TMEM17: variants seen among roughly 807,000 people sequenced by gnomAD.
TMEM17 encodes transmembrane protein 17.
A neutral mutation model predicts 19.1 loss-of-function variants in TMEM17; 15 were observed. That is an observed-to-expected ratio of 0.78 (90% CI 0.52 to 1.21). The LOEUF is 1.21. Ranked by LOEUF, TMEM17 falls within the 50% of genes most tolerant of loss-of-function variation. The pLI, the probability that TMEM17 is intolerant of heterozygous loss-of-function variation, is 0.00. For synonymous variants in TMEM17, 103 were observed against 86.9 expected, an observed-to-expected ratio of 1.19 and a Z score of -1.03; for missense variants, 245 against 242.3, an observed-to-expected ratio of 1.01 and a Z score of -0.07.
downstream of TMEM17, among the ~76,000 whole-genome samples, chr2:62,496,742 ATCATTAGG>A (rs1679787695): frequency 6.6e-6 from 1 of 152,242 alleles, no homozygotes; most frequent in East Asian, 1.9e-4. Context: ...CAAGTAAAGA[ATCATTAGG>A]TAGGTTATGT....
the TMEM17 span, among the ~76,000 whole-genome samples, chr2:62,462,859 C>T: frequency 2.6e-5 from 4 of 152,212 alleles, no homozygotes; most frequent in Non-Finnish European, 5.9e-5. Context: ...CATTCCCACT[C>T]GTTATCCAGC....
At chr2:62,505,858 C>G (rs1680055170) in intron 1 of TMEM17, among the ~76,000 whole-genome samples, 172 bp downstream of exon 1, 2 of 152,352 alleles carry the variant, frequency 1.3e-5, no homozygotes, top group East Asian at 3.9e-4. Context: ...AGGCCGCCAG[C>G]GCCTCAGCTC....
At chr2:62,487,774 A>T in the TMEM17 span, among the ~76,000 whole-genome samples, 2 of 152,218 alleles carry the variant, frequency 1.3e-5, no homozygotes, top group Non-Finnish European at 2.9e-5. Flanking sequence ...GGCTCACTGC[A>T]ACCTCCACCT....
chr2:62,468,096 A>G, the TMEM17 span, among the ~76,000 whole-genome samples: 1 of 152,030 alleles, frequency 6.6e-6, no homozygotes, highest in Non-Finnish European at 1.5e-5. Context: ...GCAAATGTGC[A>G]GGGGGCTGGA....
Position 62,502,418 on chromosome 2 carries a change from A to G in TMEM17, c.318+19T>C. The stretch of plus-strand genomic sequence containing the variant: ...TTTCATTTATATCTATCACTGAGAG[A>G]AAGGAAAAAAGAGCTTACCTTCTCC... On this transcript the variant is annotated intron_variant, in intron 3 of 3. Coordinates refer to ENST00000335390, the MANE Select transcript of TMEM17 (RefSeq NM_198276.3). The G allele has an allele frequency of 6.7e-7, 1 of 1,503,174 alleles. No homozygotes were observed. Among genetic ancestry groups the G allele is most frequent in the Non-Finnish European group, 9.2e-7 (1 of 1,083,662 alleles). 93.1% of individuals were successfully genotyped at this position (1,503,174 alleles called of 1,614,324 possible).
the TMEM17 span, among the ~76,000 whole-genome samples, chr2:62,475,622 G>A: frequency 4.6e-5 from 7 of 152,218 alleles, no homozygotes; most frequent in Non-Finnish European, 7.3e-5. Context: ...CAGAGCTCAC[G>A]TTTCCTTTCT....
At chr2:62,459,288 CTTG>C in the TMEM17 span, among the ~76,000 whole-genome samples, 1 of 152,246 alleles carries the variant, frequency 6.6e-6, no homozygotes, top group African/African-American at 2.4e-5. Flanking sequence ...AGAGGCAGGC[CTTG>C]TTGTGACCCT....
the TMEM17 span, among the ~76,000 whole-genome samples, chr2:62,460,175 T>A: frequency 6.6e-6 from 1 of 152,204 alleles, no homozygotes; most frequent in Non-Finnish European, 1.5e-5. Context: ...AGGAAAAGCA[T>A]CTACCAGCGC....
At chr2:62,457,120 G>T in the TMEM17 span, among the ~76,000 whole-genome samples, 790 of 152,342 alleles carry the variant, frequency 5.2e-3, 9 homozygotes, top group African/African-American at 0.018. The surrounding 1 kb of genome is among the most constrained non-coding windows in gnomAD (Gnocchi z 4.2). Flanking sequence ...GGCCAGCAGG[G>T]GCCAGCATCC....
the TMEM17 span, among the ~76,000 whole-genome samples, chr2:62,482,173 C>G: frequency 2.6e-5 from 4 of 152,194 alleles, no homozygotes; most frequent in South Asian, 2.1e-4. Flanking sequence ...ACGAGTTTCT[C>G]TATTGGCACA....
chr2:62,469,877 T>C, the TMEM17 span, among the ~76,000 whole-genome samples: 1 of 152,258 alleles, frequency 6.6e-6, no homozygotes, highest in African/African-American at 2.4e-5. Context: ...TCCTGCTGGC[T>C]GGCTGCAAGT....
downstream of TMEM17, among the ~76,000 whole-genome samples, chr2:62,498,734 A>T (rs962502659): frequency 2.6e-5 from 4 of 151,420 alleles, no homozygotes; most frequent in African/African-American, 9.7e-5. Context: ...AATAAAATAA[A>T]ATAAAATAAA....
the TMEM17 span, among the ~76,000 whole-genome samples, chr2:62,467,765 T>A: frequency 6.6e-6 from 1 of 151,918 alleles, no homozygotes; most frequent in Non-Finnish European, 1.5e-5. Context: ...TCCTCTAAGC[T>A]CCAGAGACAT....
the TMEM17 span, among the ~76,000 whole-genome samples, chr2:62,466,879 G>A: frequency 5.9e-5 from 9 of 152,132 alleles, no homozygotes; most frequent in African/African-American, 1.4e-4. Flanking sequence ...AGAGTGTTTC[G>A]TCCAACATTC....
chr2:62,467,205 C>A, the TMEM17 span, among the ~76,000 whole-genome samples: 1 of 151,288 alleles, frequency 6.6e-6, no homozygotes, highest in Non-Finnish European at 1.5e-5. Context: ...CCCCCGCCCA[C>A]GCCTCCCCAC....
chr2:62,481,747 C>T, the TMEM17 span, among the ~76,000 whole-genome samples: 1 of 126,402 alleles, frequency 7.9e-6, no homozygotes, highest in South Asian at 2.6e-4. Context: ...AAGGGGGGAG[C>T]ATTTAACCTT....
chr2:62,498,444 C>T (rs960393318), downstream of TMEM17, among the ~76,000 whole-genome samples: 262 of 142,884 alleles, frequency 1.8e-3, no homozygotes, highest in Non-Finnish European at 2.1e-3. Context: ...TGGCCGGGCG[C>T]GGTGGCTCAC....
chr2:62,502,943 A>G (rs1679972041), intron 1 of TMEM17, 149 bp from the exon 2 acceptor site: 10 of 421,330 alleles, frequency 2.4e-5, no homozygotes, highest in Non-Finnish European at 3.9e-5. Context: ...CAGTAAAAGG[A>G]ATATTCATCC....
At chr2:62,503,227 G>A (rs1383407528) in intron 1 of TMEM17, among the ~76,000 whole-genome samples, 1 of 152,124 alleles carries the variant, frequency 6.6e-6, no homozygotes, top group Non-Finnish European at 1.5e-5. Flanking sequence ...GATTACCAAG[G>A]TTATAATTAG....
Sources: allele counts gnomAD v4.1 joint callset (sites outside exome capture counted in the v4.1 genomes callset), GRCh38; gene constraint gnomAD v4.1.1; non-coding constraint Gnocchi (gnomAD v3.1); transcripts MANE v1.5; gene names NCBI Gene and HGNC (gene_info 2026-07-23, HGNC 2026-07-21).